Variants in SOX5 observed in about 807,000 individuals in gnomAD.
The protein encoded by SOX5 is transcription factor SOX-5.
A neutral mutation model predicts 92.0 loss-of-function variants in SOX5; 9 were observed. The observed-to-expected ratio is 0.10, with a 90% CI of 0.06 to 0.17. SOX5 has a LOEUF of 0.17. Ranked by LOEUF, SOX5 falls within the 10% of genes least tolerant of loss-of-function variation. The pLI is 1.00. For synonymous variants in SOX5, 344 were observed against 336.3 expected (o/e 1.02, Z -0.25); for missense variants, 642 against 944.5 (o/e 0.68, Z 4.20).
intron 4 of SOX5, among the ~76,000 whole-genome samples, chr12:23,979,876 CCTGGCTGGCTGGCTGG>C (rs71059955): frequency 3.8e-5 from 5 of 132,974 alleles, no homozygotes; most frequent in South Asian, 2.7e-4. Context: ...TGCTACCATG[CCTGGCTGGCTGGCTGG>C]CTGGCTGGCT....
At chr12:23,660,698 C>T (rs2082919013) in intron 7 of SOX5, among the ~76,000 whole-genome samples, 1 of 124,516 alleles carries the variant, frequency 8.0e-6, no homozygotes, top group Non-Finnish European at 1.8e-5. Context: ...ACAATAACTT[C>T]CAGGTTAAAA....
At chr12:24,445,817 A>T (rs752656823) in intron 1 of SOX5, among the ~76,000 whole-genome samples, 2 of 152,236 alleles carry the variant, frequency 1.3e-5, no homozygotes, top group Non-Finnish European at 2.9e-5. Flanking sequence ...GGGCTTGGAC[A>T]TTGGACATAT....
chr12:24,177,818 C>T (rs1019084967), intron 4 of SOX5, among the ~76,000 whole-genome samples: 1 of 146,866 alleles, frequency 6.8e-6, no homozygotes, highest in Non-Finnish European at 1.5e-5. Flanking sequence ...GGTCACTAGG[C>T]TCTTGTCAAA....
chr12:23,649,290 AAG>A (rs762770705), intron 7 of SOX5, among the ~76,000 whole-genome samples: 62 of 152,262 alleles, frequency 4.1e-4, no homozygotes, highest in South Asian at 2.9e-3. Context: ...AGAAAAAAAA[AAG>A]AGTTTTTATT....
In SOX5 at chr12:23,530,861, AAG is replaced by A. The variant is rs1256959465; in HGVS notation, c.*3356_*3357del. 2 of 98,392 alleles carry A rather than the reference AAG, an allele frequency of 2.0e-5. No homozygotes were observed. Among genetic ancestry groups the A allele is most frequent in the Admixed American group, 1.1e-4 (1 of 9,366 alleles). The allele number at this position is 98,392 out of a possible 1,614,324, so 6.1% of individuals were successfully genotyped here. A position where few individuals can be genotyped will look rare whatever the true frequency, so the allele number is the denominator to read the frequency against. The stretch of plus-strand genomic sequence containing the variant: ...CATGTGAGAGAGAGAGAGAAAGGGA[AAG>A]AGATAAAGTGTGAACAGATAGGTAA... On this transcript the variant is annotated 3_prime_UTR_variant, in exon 15 of 15. Coordinates refer to ENST00000451604, the MANE Select transcript of SOX5 (RefSeq NM_006940.6).
At chr12:23,781,024 T>G (rs1427804038) in intron 3 of SOX5, among the ~76,000 whole-genome samples, 2 of 151,996 alleles carry the variant, frequency 1.3e-5, no homozygotes, top group Non-Finnish European at 1.5e-5. Flanking sequence ...TTATAAAAGA[T>G]TATTAACCAC....
At chr12:24,124,281 G>T (rs1024831960) in intron 4 of SOX5, among the ~76,000 whole-genome samples, 58 of 152,248 alleles carry the variant, frequency 3.8e-4, no homozygotes, top group Middle Eastern at 3.4e-3. Context: ...AAATTTTGCT[G>T]TATACCATCT....
intron 1 of SOX5, among the ~76,000 whole-genome samples, chr12:23,933,695 T>C (rs1286446655): frequency 2.0e-5 from 3 of 151,560 alleles, no homozygotes; most frequent in Non-Finnish European, 3.0e-5. Flanking sequence ...ATGTTTACAA[T>C]ATCGAATTCT....
intron 8 of SOX5, among the ~76,000 whole-genome samples, chr12:23,640,223 TAA>T (rs2079863290): frequency 6.6e-6 from 1 of 152,236 alleles, no homozygotes; most frequent in African/African-American, 2.4e-5. Flanking sequence ...GGACATCTGG[TAA>T]AGTTATCGTT....
chr12:24,061,564 A>T (rs1939707889), intron 4 of SOX5, among the ~76,000 whole-genome samples: 1 of 152,070 alleles, frequency 6.6e-6, no homozygotes, highest in African/African-American at 2.4e-5. Flanking sequence ...ACGTTTGCAC[A>T]AAGTACCAAT....
At chr12:24,463,995 A>G (rs912519915) in intron 1 of SOX5, among the ~76,000 whole-genome samples, 1 of 152,164 alleles carries the variant, frequency 6.6e-6, no homozygotes, top group Non-Finnish European at 1.5e-5. Flanking sequence ...CAACTAATCT[A>G]AAATTTCCTA....
intron 6 of SOX5, among the ~76,000 whole-genome samples, chr12:23,673,062 T>C (rs2085054808): frequency 6.6e-6 from 1 of 152,132 alleles, no homozygotes; most frequent in Non-Finnish European, 1.5e-5. Flanking sequence ...TATTAAAAGT[T>C]GCTAATCATA....
intron 3 of SOX5, among the ~76,000 whole-genome samples, chr12:23,797,105 T>G (rs2095577975): frequency 6.6e-6 from 1 of 151,768 alleles, no homozygotes; most frequent in South Asian, 2.1e-4. Flanking sequence ...ACTAATACAC[T>G]TTATCAATTC....
chr12:23,597,424 CCT>C (rs1342530940), intron 9 of SOX5, among the ~76,000 whole-genome samples: 1 of 152,116 alleles, frequency 6.6e-6, no homozygotes, highest in Non-Finnish European at 1.5e-5. Flanking sequence ...CCCAGAAAAG[CCT>C]CTGTTTAAGT....
chr12:23,913,139 A>G (rs538047258), intron 1 of SOX5, among the ~76,000 whole-genome samples: 2 of 152,130 alleles, frequency 1.3e-5, no homozygotes, highest in South Asian at 2.1e-4. Context: ...ATTTGGCGCT[A>G]GACTTGCTCC....
intron 1 of SOX5, among the ~76,000 whole-genome samples, chr12:24,415,226 C>A (rs1162986090): frequency 6.6e-6 from 1 of 152,120 alleles, no homozygotes; most frequent in African/African-American, 2.4e-5. Context: ...CATAGGTGAA[C>A]ACAACAAATC....
At chr12:24,356,922 C>G (rs375924417) in intron 2 of SOX5, among the ~76,000 whole-genome samples, 1 of 152,286 alleles carries the variant, frequency 6.6e-6, no homozygotes, top group East Asian at 1.9e-4. Flanking sequence ...CTTTTTAAAA[C>G]TAGATACTGA....
At chr12:24,477,984 G>T (rs1257534749) in intron 1 of SOX5, among the ~76,000 whole-genome samples, 2 of 151,992 alleles carry the variant, frequency 1.3e-5, no homozygotes, top group African/African-American at 4.8e-5. Context: ...TGATTTTTAG[G>T]TTAACAGAAC....
intron 12 of SOX5, among the ~76,000 whole-genome samples, chr12:23,544,608 T>C (rs1236005586): frequency 6.6e-6 from 1 of 152,176 alleles, no homozygotes; most frequent in Non-Finnish European, 1.5e-5. Context: ...TGGTGAAGTT[T>C]CTCAATATTT....
Sources: allele counts gnomAD v4.1 joint callset (sites outside exome capture counted in the v4.1 genomes callset), GRCh38; gene constraint gnomAD v4.1.1; transcripts MANE v1.5; gene names NCBI Gene and HGNC (gene_info 2026-07-23, HGNC 2026-07-21).